Variants in SH2D3C observed in about 807,000 individuals in gnomAD.
SH2D3C encodes the protein SH2 domain-containing protein 3C.
SH2D3C carries 25 observed loss-of-function variants against 75.2 expected under a neutral mutation model. The ratio of observed to expected loss-of-function variants is 0.33; its 90% CI spans 0.24 to 0.46. The LOEUF (loss-of-function observed/expected upper bound fraction) is 0.46, where lower values mean the gene tolerates loss of function less well. Ranked by LOEUF, SH2D3C falls within the 20% of genes least tolerant of loss-of-function variation. The probability of loss-of-function intolerance (pLI) is 1.00; values close to 1 mark genes in which losing one functional copy is unlikely to be tolerated. For synonymous variants in SH2D3C, 450 were observed against 473.7 expected (o/e 0.95, Z 0.65); for missense variants, 933 against 1,165.3 (o/e 0.80, Z 2.90).
chr9:127,755,301 CG>C, intron 3 of SH2D3C: 14 of 177,054 alleles, frequency 7.9e-5, no homozygotes, highest in Non-Finnish European at 1.3e-4. Context: ...GGGGGAGGAG[CG>C]GGGAGGCGGG....
chr9:127,771,182 T>C, intron 2 of SH2D3C: 1 of 1,541,812 alleles, frequency 6.5e-7, no homozygotes, highest in Non-Finnish European at 8.7e-7. Flanking sequence ...GCTCGGTCAC[T>C]CACCCTCGGG....
chr9:127,756,608 C>T (rs1845384514), intron 3 of SH2D3C, among the ~76,000 whole-genome samples: 1 of 149,772 alleles, frequency 6.7e-6, no homozygotes, highest in Non-Finnish European at 1.5e-5. Context: ...AAGCTGACTC[C>T]TCAAAGATGA....
chr9:127,746,305 T>A (rs3824522), intron 6 of SH2D3C, among the ~76,000 whole-genome samples: 17,164 of 152,186 alleles, frequency 0.11, 1,852 homozygotes, highest in African/African-American at 0.28. Context: ...TCCTCCTGAG[T>A]CAGCCCCCTC....
Position 127,747,174 on chromosome 9 carries a change from T to C in SH2D3C, c.1237A>G (p.Ser413Gly), listed in dbSNP as rs762645874. The C allele has an allele frequency of 1.2e-5, 20 of 1,613,954 alleles. No individual in the cohort carries two copies. In the Admixed American group the frequency reaches 3.2e-4, roughly 26 times the overall value. ...LHSPMSPISE[S>G]PSSPAYSTVT... ...GTGCTGTAGGCAGGGGAGCTAGGGC[T>C]CTCGGAGATGGGCGACATGGGTGAG... The change falls in exon 6 of 12, where the codon AGC (serine) becomes GGC (glycine). Residue 413 changes from serine (S) to glycine (G), a missense_variant. Transcript: ENST00000314830.
intron 8 of SH2D3C, 143 bp downstream of exon 8, chr9:127,742,706 G>T: frequency 1.7e-6 from 1 of 595,060 alleles, no homozygotes; most frequent in Non-Finnish European, 3.0e-6. Context: ...ATCAGGGCTT[G>T]CGATTGGTCA....
At chr9:127,768,535 T>C (rs907009545) in intron 2 of SH2D3C, among the ~76,000 whole-genome samples, 1 of 152,016 alleles carries the variant, frequency 6.6e-6, no homozygotes, top group Admixed American at 6.6e-5. Flanking sequence ...CAGCAAGCTA[T>C]GATCGAGCCG....
At chr9:127,747,646 TCTC>T (rs758443021) in intron 5 of SH2D3C, among the ~76,000 whole-genome samples, 2 of 152,040 alleles carry the variant, frequency 1.3e-5, no homozygotes, top group Non-Finnish European at 2.9e-5. Flanking sequence ...TTCAAGACAT[TCTC>T]CTGCTTCAGC....
intron 10 of SH2D3C, 103 bp downstream of exon 10, chr9:127,740,155 C>T: frequency 2.0e-6 from 2 of 987,026 alleles, no homozygotes; most frequent in South Asian, 1.5e-5. Flanking sequence ...GGGAAAGTAG[C>T]TTGCACAGAG....
chr9:127,766,361 A>G (rs915879610), intron 2 of SH2D3C, among the ~76,000 whole-genome samples: 1 of 152,144 alleles, frequency 6.6e-6, no homozygotes, highest in Non-Finnish European at 1.5e-5. Flanking sequence ...CCCTCTCTGA[A>G]GCTCAACTTC....
chr9:127,763,247 C>G (rs1845572067), intron 2 of SH2D3C, among the ~76,000 whole-genome samples: 1 of 152,226 alleles, frequency 6.6e-6, no homozygotes, highest in Non-Finnish European at 1.5e-5. Flanking sequence ...TTCCTTCACT[C>G]TGTGTTCCCA....
chr9:127,765,426 A>C (rs1453201091), intron 2 of SH2D3C, among the ~76,000 whole-genome samples: 1 of 152,128 alleles, frequency 6.6e-6, no homozygotes, highest in East Asian at 1.9e-4. Flanking sequence ...CTTAGTAAAT[A>C]TATTTTTTTG....
At chr9:127,756,052 C>T (rs1438686789) in intron 3 of SH2D3C, among the ~76,000 whole-genome samples, 4 of 152,158 alleles carry the variant, frequency 2.6e-5, no homozygotes, top group Non-Finnish European at 4.4e-5. Flanking sequence ...TGTAATCCCA[C>T]GCCCTGGGAG....
chr9:127,773,925 A>G, intron 2 of SH2D3C, 65 bp downstream of exon 2: 1 of 1,013,758 alleles, frequency 9.9e-7, no homozygotes, highest in Non-Finnish European at 1.5e-6. Context: ...GTCAAAAAAA[A>G]AAAAAAGAAA....
intron 2 of SH2D3C, among the ~76,000 whole-genome samples, chr9:127,767,619 G>A (rs991380479): frequency 6.6e-6 from 1 of 152,224 alleles, no homozygotes; most frequent in Non-Finnish European, 1.5e-5. Context: ...GCCCTCGGCT[G>A]GGAGGTAGGA....
intron 3 of SH2D3C, among the ~76,000 whole-genome samples, chr9:127,760,728 C>G (rs1246822791): frequency 1.3e-5 from 2 of 152,140 alleles, no homozygotes; most frequent in Non-Finnish European, 1.5e-5. Flanking sequence ...GGGAGAAAAT[C>G]AAATACCTCT....
At chr9:127,742,823 G>T in intron 8 of SH2D3C, 26 bp downstream of exon 8, 1 of 1,572,540 alleles carries the variant, frequency 6.4e-7, no homozygotes, top group East Asian at 2.3e-5. Flanking sequence ...TTCCCCGCGA[G>T]TCCCCGGGTG....
chr9:127,739,546 G>A lies in SH2D3C; in HGVS notation c.2407+136C>T, dbSNP rs545176800. On this transcript the variant is annotated intron_variant, in intron 11 of 11. Transcript: ENST00000314830. This position sits in a 1 kb window ranked among gnomAD's most constrained non-coding sequence, Gnocchi z 4.3. The stretch of plus-strand genomic sequence containing the variant: ...AAAAAAGAAAAGAAAAGACATGAGA[G>A]GAAGGGGTCAGGGAGACAGGGCAGG... 83 of 668,960 alleles carry A rather than the reference G, an allele frequency of 1.2e-4. No individual in the cohort carries two copies. The African/African-American group carries it at 1.4e-3, about 12-fold the overall frequency. 41.4% of individuals were successfully genotyped at this position (668,960 alleles called of 1,614,324 possible). A position where few individuals can be genotyped will look rare whatever the true frequency, so the allele number is the denominator to read the frequency against.
chr9:127,750,849 C>T (rs544002270), intron 4 of SH2D3C, among the ~76,000 whole-genome samples: 15 of 152,336 alleles, frequency 9.8e-5, no homozygotes, highest in Admixed American at 5.9e-4. Flanking sequence ...GATATGTAGA[C>T]CAGTAACAAT....
Position 127,749,544 on chromosome 9 carries a change from T to G in SH2D3C, c.806A>C (p.Lys269Thr). Residue 269 changes from lysine (K) to threonine (T), a missense_variant, in exon 5 of 12, where the codon AAG becomes ACG. Lys to Thr is a moderately conservative substitution (Grantham distance 78, BLOSUM62 -1). Transcript: ENST00000314830. The surrounding 1 kb of genome is among the most constrained non-coding windows in gnomAD (Gnocchi z 5.9). ...RNQALHFKIN[K>T]VVVKAGESYT... ...GCTCTCGCCTGCCTTCACCACCACC[T>G]TGTTGATCTTGAAGTGCAAGGCCTG... 3 of 1,610,016 alleles carry G rather than the reference T, an allele frequency of 1.9e-6. No individual in the cohort carries two copies. The highest frequency in any genetic ancestry group is 2.5e-6 in the Non-Finnish European group (3 of 1,178,326).
Sources: gnomAD v4.1 joint callset for allele counts (sites outside exome capture counted in the v4.1 genomes callset) on GRCh38, gnomAD v4.1.1 for gene constraint, Gnocchi (gnomAD v3.1) non-coding constraint, MANE v1.5 for transcripts, NCBI Gene and HGNC (gene_info 2026-07-23, HGNC 2026-07-21) for gene names.